APPL2: variants seen among roughly 807,000 people sequenced by gnomAD.
The protein encoded by APPL2 is DCC-interacting protein 13-beta.
Under a neutral mutation model 92.7 loss-of-function variants are expected in APPL2, and 84 were observed. The observed-to-expected ratio is 0.91, with a 90% CI of 0.76 to 1.09. The LOEUF is 1.09. Ranked by LOEUF, APPL2 falls within the 50% of genes least tolerant of loss-of-function variation. The pLI, the probability that APPL2 is intolerant of heterozygous loss-of-function variation, is 0.00. For missense variants in APPL2, 736 were observed against 824.5 expected, an observed-to-expected ratio of 0.89 and a Z score of 1.31; for synonymous variants, 291 against 291.0, an observed-to-expected ratio of 1.00 and a Z score of 0.00.
At chr12:105,179,434 G>C (rs1004086356) in intron 17 of APPL2, among the ~76,000 whole-genome samples, 1 of 152,158 alleles carries the variant, frequency 6.6e-6, no homozygotes, top group African/African-American at 2.4e-5. Context: ...GTGAATAGTG[G>C]TGCAATACAC....
chr12:105,179,098 T>C (rs563031606), intron 17 of APPL2, among the ~76,000 whole-genome samples: 3 of 152,310 alleles, frequency 2.0e-5, no homozygotes, highest in African/African-American at 7.2e-5. Context: ...CAACCCGTTA[T>C]CTACATTAGG....
chr12:105,217,186 G>C (rs755702763), intron 3 of APPL2, 46 bp from the exon 4 acceptor site: 2 of 1,338,712 alleles, frequency 1.5e-6, no homozygotes. Context: ...GAATACTGGG[G>C]AATTCAGCAC....
intron 12 of APPL2, 33 bp from the exon 13 acceptor site, chr12:105,195,534 C>T: frequency 1.2e-6 from 2 of 1,614,136 alleles, no homozygotes; most frequent in Non-Finnish European, 1.7e-6. Context: ...ACACTGAATC[C>T]CAAAGTCACC....
chr12:105,199,517 A>G lies in APPL2; in HGVS notation c.719T>C (p.Leu240Pro). 2.5e-6 allele frequency: 4 copies of G among 1,613,806 alleles called. No homozygotes were observed. Among genetic ancestry groups the G allele is most frequent in the Non-Finnish European group, 3.4e-6 (4 of 1,179,960 alleles). Residue 240 changes from leucine (L) to proline (P), a missense_variant, in exon 10 of 21, where the codon CTG (leucine) becomes CCG (proline). Physicochemically the swap from Leu to Pro is moderately conservative, Grantham distance 98. Transcript: ENST00000258530. ...CCGCATCTTTTCCGCCTCGGCTTCC[A>G]GTTCTACCTGAATGCTTAAGACAGA... ...ADMVQSIQVE[L>P]EAEAEKMRVS...
chr12:105,184,114 AT>A (rs1250935753), intron 17 of APPL2, among the ~76,000 whole-genome samples: 1 of 152,170 alleles, frequency 6.6e-6, no homozygotes, highest in Admixed American at 6.5e-5. Flanking sequence ...CCATCAGGTT[AT>A]TTATGTTCTT....
intron 17 of APPL2, among the ~76,000 whole-genome samples, chr12:105,184,549 T>G (rs763177292): frequency 2.2e-4 from 33 of 152,202 alleles, no homozygotes; most frequent in Non-Finnish European, 2.9e-5. Flanking sequence ...GAAGGTACAC[T>G]CCGGACTCTC....
intron 7 of APPL2, 89 bp downstream of exon 7, chr12:105,207,882 G>C: frequency 8.4e-7 from 1 of 1,195,930 alleles, no homozygotes; most frequent in South Asian, 1.3e-5. Context: ...AAATAACCAC[G>C]CACCCTTTCA....
Position 105,174,885 on chromosome 12 carries a change from G to GGGGGT in APPL2, c.1861-438_1861-437insACCCC, listed in dbSNP as rs951706174. On this transcript the variant is annotated intron_variant, in intron 20 of 20. Transcript: ENST00000258530. ...TGCTGCTTTTTTTTGGTGGGGGGGG[G>GGGGGT]GGTGGTGCGGCGGTTGGAGACAGAG... Among the ~76,000 whole-genome samples, 4 of 142,716 alleles carry GGGGGT rather than the reference G, an allele frequency of 2.8e-5. No individual in the cohort carries two copies. In the South Asian group the frequency reaches 9.9e-4, roughly 35 times the overall value. 93.6% of individuals were successfully genotyped at this position (142,716 alleles called of 152,430 possible).
At chr12:105,203,866 G>C (rs2135993537) in intron 8 of APPL2, 81 bp from the exon 9 acceptor site, 2 of 1,275,072 alleles carry the variant, frequency 1.6e-6, no homozygotes, top group East Asian at 4.8e-5. Flanking sequence ...CAGGCAGCGT[G>C]AGGGCAGCCA....
chr12:105,224,506 C>T (rs925057216), intron 2 of APPL2, among the ~76,000 whole-genome samples: 5 of 152,158 alleles, frequency 3.3e-5, no homozygotes, highest in African/African-American at 1.2e-4. Flanking sequence ...TGGTTAAGAG[C>T]GAACGCAGGC....
intron 4 of APPL2, among the ~76,000 whole-genome samples, chr12:105,215,528 T>C (rs183558416): frequency 1.3e-5 from 2 of 152,320 alleles, no homozygotes; most frequent in East Asian, 3.9e-4. Context: ...TAGGAGGTCA[T>C]CAATAAATGT....
Position 105,188,444 on chromosome 12 carries a change from G to C in APPL2, c.1463C>G (p.Ser488Cys). The change falls in exon 17 of 21, where the codon TCT becomes TGT. Residue 488 changes from serine to cysteine, a missense_variant. Coordinates refer to ENST00000258530, the MANE Select transcript of APPL2 (RefSeq NM_018171.5). ...AACTATAAACATCTGCTGCAAAAGA[G>C]AATCTGGAAGACAGCATTTTCCACT... is the stretch of plus-strand genomic sequence containing the variant. ...EDESFPEAED[S>C]LLQQMFIVRF... The C allele has an allele frequency of 2.5e-6, 4 of 1,613,958 alleles. No homozygotes were observed. Among genetic ancestry groups the C allele is most frequent in the Non-Finnish European group, 3.4e-6 (4 of 1,179,922 alleles).
rs1326137980 is a variant in APPL2, at chr12:105,207,179, G to C, written c.503C>G (p.Ala168Gly). 3.3e-5 allele frequency: 53 copies of C among 1,613,624 alleles called. No homozygotes were observed. The highest frequency in any genetic ancestry group is 4.3e-5 in the Non-Finnish European group (51 of 1,179,972). Residue 168 changes from alanine to glycine, a missense_variant, in exon 8 of 21, where the codon GCC becomes GGC. Coordinates refer to ENST00000258530, the MANE Select transcript of APPL2 (RefSeq NM_018171.5). The part of the protein sequence containing the change: ...KVKTEVGKEV[A>G]AARRKQHLSS... ...GAGGTGCTGCTTCCGCCGGGCCGCG[G>C]CCACCTCTTTTCCGACTTCGGTCTT...
At position 105,173,577 on chromosome 12, in the gene APPL2, C is replaced by A. The variant is rs1272240664; in HGVS notation, c.*737G>T. ...GGGTCTGGCTCAGAAGAAACAGGAA[C>A]TGGTAGAGCTGCACCCTGTCCACAG... On this transcript the variant is annotated 3_prime_UTR_variant, in exon 21 of 21. Transcript: ENST00000258530. 6.6e-6 allele frequency: 1 copy of A among 152,664 alleles called. No homozygotes were observed. The highest frequency in any genetic ancestry group is 1.5e-5 in the Non-Finnish European group (1 of 68,064). 9.5% of individuals were successfully genotyped at this position (152,664 alleles called of 1,614,324 possible).
intron 1 of APPL2, 80 bp from the exon 2 acceptor site, chr12:105,229,303 C>T (rs1335550187): frequency 2.3e-6 from 3 of 1,280,338 alleles, no homozygotes; most frequent in Non-Finnish European, 3.3e-6. Flanking sequence ...CACACACCCG[C>T]ACATGCAGAA....
At chr12:105,205,405 C>T (rs1368111295) in intron 8 of APPL2, among the ~76,000 whole-genome samples, 1 of 152,210 alleles carries the variant, frequency 6.6e-6, no homozygotes, top group African/African-American at 2.4e-5. Context: ...GCTGTTCCCC[C>T]AGAACTGGGG....
intron 2 of APPL2, 89 bp downstream of exon 2, chr12:105,229,036 G>T: frequency 8.8e-7 from 1 of 1,135,282 alleles, no homozygotes; most frequent in Non-Finnish European, 1.3e-6. Context: ...ATGTTTTTCG[G>T]ATTCCAATTT....
At chr12:105,174,876 T>TGGGG (rs59473626) in intron 20 of APPL2, among the ~76,000 whole-genome samples, 1,342 of 88,134 alleles carry the variant, frequency 0.015, 46 homozygotes, top group East Asian at 0.042. Context: ...TTTTTTTTGG[T>TGGGG]GGGGGGGGGG....
intron 4 of APPL2, among the ~76,000 whole-genome samples, chr12:105,213,488 G>A (rs1433682073): frequency 6.6e-6 from 1 of 152,178 alleles, no homozygotes; most frequent in Non-Finnish European, 1.5e-5. Flanking sequence ...TGGCATATAT[G>A]CTCGGTCTTC....
Sources: allele counts gnomAD v4.1 joint callset (sites outside exome capture counted in the v4.1 genomes callset), GRCh38; gene constraint gnomAD v4.1.1; transcripts MANE v1.5; gene names NCBI Gene and HGNC (gene_info 2026-07-23, HGNC 2026-07-21).